FBXL19: variants seen among roughly 807,000 people sequenced by gnomAD.
The protein encoded by FBXL19 is F-box and leucine rich repeat protein 19, also known as F-box/LRR-repeat protein 19.
Under a neutral mutation model 71.2 loss-of-function variants are expected in FBXL19, and 16 were observed. The observed-to-expected ratio is 0.22, with a 90% CI of 0.15 to 0.34. The LOEUF is 0.34. Ranked by LOEUF, FBXL19 falls within the 10% of genes least tolerant of loss-of-function variation. The pLI, the probability that FBXL19 is intolerant of heterozygous loss-of-function variation, is 1.00. For synonymous variants in FBXL19, 447 were observed against 409.4 expected (o/e 1.09, Z -1.11); for missense variants, 658 against 968.2 (o/e 0.68, Z 4.25).
intron 6 of FBXL19, among the ~76,000 whole-genome samples, chr16:30,929,045 G>A (rs1301343775): frequency 6.6e-6 from 1 of 152,152 alleles, no homozygotes; most frequent in Non-Finnish European, 1.5e-5. Flanking sequence ...GGTTCTGAAA[G>A]GCAATGAGCT....
At position 30,925,397 on chromosome 16, in the gene FBXL19, A is replaced by G. The variant is rs1306971003; in HGVS notation, c.-24-334A>G. ...ATCTCTCCAAGCTAACACCACGGAC[A>G]AGGAGTGCCTGGCCTTTCCAAGGAG... is the stretch of plus-strand genomic sequence containing the variant. On this transcript the variant is annotated intron_variant, in intron 1 of 10. Transcript: ENST00000338343. The surrounding 1 kb of genome is among the most constrained non-coding windows in gnomAD (Gnocchi z 5.0). 6.6e-6 allele frequency among the ~76,000 whole-genome samples: 1 copy of G among 152,116 alleles called. No individual in the cohort carries two copies. The highest frequency in any genetic ancestry group is 1.5e-5 in the Non-Finnish European group (1 of 68,002).
At chr16:30,928,713 T>C in intron 6 of FBXL19, 85 bp downstream of exon 6, 3 of 1,014,270 alleles carry the variant, frequency 3.0e-6, no homozygotes, top group South Asian at 2.1e-5. Context: ...CCCTTCCTGC[T>C]CACCTTGTTC....
chr16:30,945,365 A>G lies in FBXL19; in HGVS notation c.1628-1365A>G. Among the ~76,000 whole-genome samples the G allele has an allele frequency of 1.3e-5, 2 of 152,258 alleles. 1 individual carries two copies. The highest frequency in any genetic ancestry group is 4.1e-4 in the South Asian group (2 of 4,826). On this transcript the variant is annotated intron_variant, in intron 9 of 10. Transcript: ENST00000338343. ...CCACAAAACTGGAGAACTTGTTAAAAAAGTAAACTCTGGGCCGGGCATGGT... is the reference window on the plus strand; with the variant it reads ...CCACAAAACTGGAGAACTTGTTAAAGAAGTAAACTCTGGGCCGGGCATGGT...
intron 7 of FBXL19, among the ~76,000 whole-genome samples, chr16:30,939,064 T>TTA (rs1555487397): frequency 6.6e-6 from 1 of 151,856 alleles, no homozygotes; most frequent in African/African-American, 2.4e-5. Context: ...CTTTTTTGTG[T>TTA]TTTATTTATT....
rs1402247542 is a variant in FBXL19, at chr16:30,923,864, C to T, written c.-620C>T. ...GGGCCGGAGCAGCTTCCTTCACCTC[C>T]CCCTCCGCTCGCCTCGCAGCCGTAG... On this transcript the variant is annotated 5_prime_UTR_variant, in exon 1 of 11. Coordinates refer to ENST00000338343, the MANE Select transcript of FBXL19 (RefSeq NM_001382779.1). Among the ~76,000 whole-genome samples the T allele has an allele frequency of 1.3e-5, 2 of 151,292 alleles. No individual in the cohort carries two copies. Among genetic ancestry groups the T allele is most frequent in the East Asian group, 2.0e-4 (1 of 5,108 alleles).
chr16:30,945,416 T>A (rs2055846601), intron 9 of FBXL19, among the ~76,000 whole-genome samples: 1 of 152,092 alleles, frequency 6.6e-6, no homozygotes, highest in South Asian at 2.1e-4. Context: ...TCCTAGCACT[T>A]TGGGAGGCCG....
At chr16:30,935,276 A>G (rs182948096) in intron 7 of FBXL19, among the ~76,000 whole-genome samples, 3 of 152,310 alleles carry the variant, frequency 2.0e-5, no homozygotes, top group Non-Finnish European at 4.4e-5. Flanking sequence ...CAGTGAGATC[A>G]TCTTCGCTGA....
At chr16:30,927,723 C>T in intron 4 of FBXL19, 22 bp from the exon 5 acceptor site, 2 of 1,556,036 alleles carry the variant, frequency 1.3e-6, no homozygotes, top group South Asian at 1.2e-5. Context: ...AGGTCCTCAC[C>T]CCCAGCTTCT....
Position 30,925,694 on chromosome 16 carries a change from A to C in FBXL19, c.-24-37A>C. ...CAGGGGTCTCCCAGGCCAGGGCCCC[A>C]GTGGGCCCATCTGACCCTGCCACCA... On this transcript the variant is annotated intron_variant, in intron 1 of 10. Transcript: ENST00000338343. The surrounding 1 kb of genome is among the most constrained non-coding windows in gnomAD (Gnocchi z 5.0). 1 of 1,470,740 alleles carries C rather than the reference A, an allele frequency of 6.8e-7. No individual in the cohort carries two copies. Among genetic ancestry groups the C allele is most frequent in the Non-Finnish European group, 8.9e-7 (1 of 1,118,980 alleles). 91.1% of individuals were successfully genotyped at this position (1,470,740 alleles called of 1,614,324 possible). A position where few individuals can be genotyped will look rare whatever the true frequency, so the allele number is the denominator to read the frequency against.
chr16:30,948,026 G>GC lies in FBXL19; in HGVS notation c.*796_*797insC. The GC allele has an allele frequency of 3.3e-6, 1 of 305,238 alleles. No homozygotes were observed. The highest frequency in any genetic ancestry group is 6.6e-6 in the Non-Finnish European group (1 of 151,400). 18.9% of individuals were successfully genotyped at this position (305,238 alleles called of 1,614,324 possible). A position where few individuals can be genotyped will look rare whatever the true frequency, so the allele number is the denominator to read the frequency against. ...TACTTGAACATTCATCTGTACTGAA[G>GC]TGTTACTTGAACCGGGGGAATCTCG... is the stretch of plus-strand genomic sequence containing the variant. On this transcript the variant is annotated 3_prime_UTR_variant, in exon 11 of 11. Transcript: ENST00000338343.
intron 5 of FBXL19, 94 bp from the exon 6 acceptor site, chr16:30,928,373 T>C (rs959632051): frequency 7.7e-7 from 1 of 1,299,864 alleles, no homozygotes; most frequent in African/African-American, 1.5e-5. Flanking sequence ...CTGGGACTTG[T>C]AGTCTAAGAG....
At chr16:30,943,777 A>G (rs1319595186) in intron 9 of FBXL19, among the ~76,000 whole-genome samples, 1 of 152,108 alleles carries the variant, frequency 6.6e-6, no homozygotes, top group Non-Finnish European at 1.5e-5. Flanking sequence ...TGTTGGGATT[A>G]TAGGCGTGAG....
At chr16:30,937,720 G>A (rs2055754695) in intron 7 of FBXL19, among the ~76,000 whole-genome samples, 2 of 152,294 alleles carry the variant, frequency 1.3e-5, no homozygotes, top group African/African-American at 4.8e-5. Context: ...GCCACAACGT[G>A]TTGGCATCAG....
intron 7 of FBXL19, among the ~76,000 whole-genome samples, chr16:30,934,968 C>T (rs1318371894): frequency 6.6e-6 from 1 of 152,164 alleles, no homozygotes; most frequent in African/African-American, 2.4e-5. Context: ...AGAGCAAGAG[C>T]CTAGCCAGAT....
Position 30,947,237 on chromosome 16 carries a change from G to C in FBXL19, c.*7G>C. 6.4e-7 allele frequency: 1 copy of C among 1,568,460 alleles called. No homozygotes were observed. Among genetic ancestry groups the C allele is most frequent in the Non-Finnish European group, 8.6e-7 (1 of 1,161,492 alleles). On this transcript the variant is annotated 3_prime_UTR_variant, in exon 11 of 11. Transcript: ENST00000338343. ...GCTTCTCAAGGACAGCTAGTTGGGC[G>C]CCCCCCACCCTCCCCCGGACTCGAC... is the stretch of plus-strand genomic sequence containing the variant.
At chr16:30,929,087 G>A (rs1253948256) in intron 6 of FBXL19, among the ~76,000 whole-genome samples, 6 of 152,126 alleles carry the variant, frequency 3.9e-5, no homozygotes, top group Non-Finnish European at 4.4e-5. Flanking sequence ...CAGATTGAAG[G>A]GAAATAAGGC....
At chr16:30,939,436 C>T (rs1451134127) in intron 7 of FBXL19, among the ~76,000 whole-genome samples, 1 of 141,034 alleles carries the variant, frequency 7.1e-6, no homozygotes, top group Non-Finnish European at 1.5e-5. Context: ...TTTTTTGAGA[C>T]GGAGTCTCGC....
At chr16:30,929,962 G>C in intron 6 of FBXL19, 111 bp from the exon 7 acceptor site, 1 of 1,407,578 alleles carries the variant, frequency 7.1e-7, no homozygotes, top group Non-Finnish European at 9.6e-7. Flanking sequence ...AGCCAGGGCT[G>C]GAACTCAGGA....
intron 7 of FBXL19, among the ~76,000 whole-genome samples, chr16:30,936,668 G>A (rs2055739250): frequency 7.2e-6 from 1 of 138,598 alleles, no homozygotes; most frequent in South Asian, 2.2e-4. Context: ...GGATGGTCTC[G>A]ACCTCCTGAC....
Sources: allele counts gnomAD v4.1 joint callset (sites outside exome capture counted in the v4.1 genomes callset), GRCh38; gene constraint gnomAD v4.1.1; non-coding constraint Gnocchi (gnomAD v3.1); transcripts MANE v1.5; gene names NCBI Gene and HGNC (gene_info 2026-07-23, HGNC 2026-07-21).